The following ADCK2 variants were observed in gnomAD, a reference collection of about 807,000 sequenced individuals.
ADCK2 encodes aarF domain containing kinase 2.
Under a neutral mutation model 52.3 loss-of-function variants are expected in ADCK2, and 37 were observed. The ratio of observed to expected loss-of-function variants is 0.71; its 90% CI spans 0.54 to 0.93. The LOEUF (loss-of-function observed/expected upper bound fraction) is 0.93. Among genes scored for constraint, ADCK2 ranks in the 40% least tolerant of loss-of-function variants. The pLI, the probability that ADCK2 is intolerant of heterozygous loss-of-function variation, is 0.00. For missense variants in ADCK2, 695 were observed against 798.7 expected (o/e 0.87, Z 1.56); for synonymous variants, 321 against 349.2 (o/e 0.92, Z 0.90).
rs1585840341 is a variant in ADCK2 at position 140,673,985 on chromosome 7, G to A, written c.655G>A (p.Ala219Thr). The change falls in exon 1 of 8, where the codon GCC becomes ACC. Residue 219 changes from alanine to threonine, a missense_variant. Transcript: ENST00000072869. This position sits in a 1 kb window ranked among gnomAD's most constrained non-coding sequence, Gnocchi z 6.4. ...GCVAQVYKAY[A>T]NTAFLETDSV... is the part of the protein sequence containing the mutation. ...CGTGGCCCAGGTGTACAAAGCATAC[G>A]CCAACACTGCCTTCCTGGAGACTGA... The A allele has an allele frequency of 6.2e-7, 1 of 1,614,046 alleles. No individual in the cohort carries two copies. Among genetic ancestry groups the A allele is most frequent in the South Asian group, 1.1e-5 (1 of 91,074 alleles).
intron 4 of ADCK2, among the ~76,000 whole-genome samples, chr7:140,683,064 A>T (rs1794544623): frequency 6.7e-6 from 1 of 149,552 alleles, no homozygotes; most frequent in African/African-American, 2.5e-5. Context: ...GCACTTTGGG[A>T]GGCCGAGGCA....
At chr7:140,691,547 C>T (rs1211570646) in intron 7 of ADCK2, among the ~76,000 whole-genome samples, 1 of 152,098 alleles carries the variant, frequency 6.6e-6, no homozygotes, top group East Asian at 1.9e-4. Context: ...TGCTGTGGCC[C>T]CTGCCTGGCT....
In ADCK2 at chr7:140,673,248, G is replaced by C. The variant is rs2130776026; in HGVS notation, c.-83G>C. ...CAGCTCCGTCCGCGGGGTCAGGGCC[G>C]GGCTTCGGCTTCACCGCAGCCTCGC... is the stretch of plus-strand genomic sequence containing the variant. On this transcript the variant is annotated 5_prime_UTR_variant, in exon 1 of 8. Transcript: ENST00000072869. The surrounding 1 kb of genome is among the most constrained non-coding windows in gnomAD (Gnocchi z 6.4). The C allele has an allele frequency of 8.1e-7, 1 of 1,232,340 alleles. No homozygotes were observed. Among genetic ancestry groups the C allele is most frequent in the East Asian group, 3.0e-5 (1 of 33,270 alleles). The allele number at this position is 1,232,340 out of a possible 1,614,324, so 76.3% of individuals were successfully genotyped here. A position where few individuals can be genotyped will look rare whatever the true frequency, so the allele number is the denominator to read the frequency against.
chr7:140,686,867 A>G, intron 4 of ADCK2, 123 bp from the exon 5 acceptor site: 1 of 1,305,072 alleles, frequency 7.7e-7, no homozygotes, highest in Non-Finnish European at 1.1e-6. Context: ...TCTATAGGAC[A>G]TGCACCTCTT....
At chr7:140,689,788 TC>T in intron 6 of ADCK2, 63 bp downstream of exon 6, 1 of 1,517,274 alleles carries the variant, frequency 6.6e-7, no homozygotes, top group African/African-American at 1.4e-5. Context: ...GCAGAGCAGA[TC>T]CTGGGTCTAA....
At position 140,673,273 on chromosome 7, in the gene ADCK2, C is replaced by T; in HGVS notation, c.-58C>T. Reference sequence around the variant, plus strand: ...GGGCTTCGGCTTCACCGCAGCCTCGCCTGAGCGGGCGCCTCTGAAGTGGAG... The same window carrying T: ...GGGCTTCGGCTTCACCGCAGCCTCGTCTGAGCGGGCGCCTCTGAAGTGGAG... On this transcript the variant is annotated 5_prime_UTR_variant, in exon 1 of 8. Coordinates refer to ENST00000072869, the MANE Select transcript of ADCK2 (RefSeq NM_052853.4). This position sits in a 1 kb window ranked among gnomAD's most constrained non-coding sequence, Gnocchi z 6.4. 2.9e-6 allele frequency: 4 copies of T among 1,377,674 alleles called. No homozygotes were observed. Among genetic ancestry groups the T allele is most frequent in the Non-Finnish European group, 3.8e-6 (4 of 1,060,274 alleles). The allele number at this position is 1,377,674 out of a possible 1,614,324, so 85.3% of individuals were successfully genotyped here.
intron 5 of ADCK2, among the ~76,000 whole-genome samples, chr7:140,687,549 T>C (rs1794626277): frequency 6.6e-6 from 1 of 152,100 alleles, no homozygotes; most frequent in Non-Finnish European, 1.5e-5. Flanking sequence ...ATCCTGTCTC[T>C]ACTAAAAATA....
chr7:140,690,663 G>A (rs1316703093), intron 6 of ADCK2, 97 bp from the exon 7 acceptor site: 2 of 1,101,082 alleles, frequency 1.8e-6, no homozygotes, highest in Non-Finnish European at 2.7e-6. Context: ...GCGGGGGAGT[G>A]GGGTGGGATG....
At chr7:140,677,000 G>T (rs534325252) in intron 2 of ADCK2, among the ~76,000 whole-genome samples, 1 of 151,566 alleles carries the variant, frequency 6.6e-6, no homozygotes, top group Non-Finnish European at 1.5e-5. Flanking sequence ...TCCAGCCTGG[G>T]TGACAGAGTG....
chr7:140,682,420 T>C (rs1794532368), intron 4 of ADCK2, among the ~76,000 whole-genome samples: 1 of 151,948 alleles, frequency 6.6e-6, no homozygotes, highest in South Asian at 2.1e-4. Context: ...AAGCACTTAG[T>C]ATGGCTTGGA....
In ADCK2 at chr7:140,674,770, C is replaced by T. The variant is rs555433395; in HGVS notation, c.1080+13C>T. On this transcript the variant is annotated intron_variant, in intron 2 of 7. Coordinates refer to ENST00000072869, the MANE Select transcript of ADCK2 (RefSeq NM_052853.4). The surrounding 1 kb of genome is among the most constrained non-coding windows in gnomAD (Gnocchi z 4.6). Reference sequence around the variant, plus strand: ...GATGGTCCAACAGGTGAGTTCTCCTCCCCTCAGCTGTAAATAGCACCTAAC... The same window carrying T: ...GATGGTCCAACAGGTGAGTTCTCCTTCCCTCAGCTGTAAATAGCACCTAAC... 6.2e-7 allele frequency: 1 copy of T among 1,612,508 alleles called. No individual in the cohort carries two copies. Among genetic ancestry groups the T allele is most frequent in the South Asian group, 1.1e-5 (1 of 90,860 alleles).
In ADCK2 at chr7:140,689,724, A is replaced by T. The variant is rs1416447074; in HGVS notation, c.1685A>T (p.Lys562Met). 6.2e-7 allele frequency: 1 copy of T among 1,610,060 alleles called. No individual in the cohort carries two copies. The highest frequency in any genetic ancestry group is 1.1e-5 in the South Asian group (1 of 90,522). ...AGGAAGAACACCATCACCCTGGAGA[A>T]GGTGGGCAGGTCACTTGCGGAACAG... ...QARKNTITLEKLHVSSLLSSV... is the reference protein window; with the variant it reads ...QARKNTITLEMLHVSSLLSSV... The change falls in exon 6 of 8, where the codon AAG becomes ATG. Residue 562 changes from lysine (K) to methionine (M), a missense_variant and splice_region_variant. Lys to Met is a moderately conservative substitution (Grantham distance 95). Coordinates refer to ENST00000072869, the MANE Select transcript of ADCK2 (RefSeq NM_052853.4).
chr7:140,674,862 C>T lies in ADCK2; in HGVS notation c.1080+105C>T, dbSNP rs1794370301. ...AATAATTTTCTGGTATGTCATAACTCATGTGATGTGTTAGAGCTGGTAACA... is the reference window on the plus strand; with the variant it reads ...AATAATTTTCTGGTATGTCATAACTTATGTGATGTGTTAGAGCTGGTAACA... On this transcript the variant is annotated intron_variant, in intron 2 of 7. Coordinates refer to ENST00000072869, the MANE Select transcript of ADCK2 (RefSeq NM_052853.4). The surrounding 1 kb of genome is among the most constrained non-coding windows in gnomAD (Gnocchi z 4.6). The T allele has an allele frequency of 7.4e-7, 1 of 1,355,860 alleles. No homozygotes were observed. The highest frequency in any genetic ancestry group is 1.0e-6 in the Non-Finnish European group (1 of 999,420). The allele number at this position is 1,355,860 out of a possible 1,614,324, so 84.0% of individuals were successfully genotyped here.
chr7:140,686,773 T>C (rs1794611056), intron 4 of ADCK2, among the ~76,000 whole-genome samples: 1 of 152,210 alleles, frequency 6.6e-6, no homozygotes, highest in South Asian at 2.1e-4. Context: ...AAATGCTTTT[T>C]ACTTTGAAAA....
At chr7:140,682,970 C>A (rs1794541238) in intron 4 of ADCK2, among the ~76,000 whole-genome samples, 1 of 133,298 alleles carries the variant, frequency 7.5e-6, no homozygotes. Flanking sequence ...CACTGCACTC[C>A]AACCTCAGAT....
chr7:140,694,276 CCTGTCT>C (rs1256092069), intron 7 of ADCK2, among the ~76,000 whole-genome samples: 9 of 151,954 alleles, frequency 5.9e-5, no homozygotes, highest in Admixed American at 3.3e-4. Flanking sequence ...AGAGTGAGAC[CCTGTCT>C]CTAAAATAAA....
chr7:140,674,575 A>G lies in ADCK2; in HGVS notation c.934-36A>G, dbSNP rs200001241. 2.5e-4 allele frequency: 405 copies of G among 1,592,770 alleles called. 2 individuals carry two copies. In the African/African-American group the frequency reaches 4.6e-3, roughly 18 times the overall value. On this transcript the variant is annotated intron_variant, in intron 1 of 7. Transcript: ENST00000072869. The surrounding 1 kb of genome is among the most constrained non-coding windows in gnomAD (Gnocchi z 4.6). ...CCTGGCTGGGTAAAATGTGTCCAGC[A>G]GGTTTCTCCTGTCTCACGGTTCCTC...
intron 6 of ADCK2, among the ~76,000 whole-genome samples, chr7:140,690,363 C>G (rs1040908120): frequency 6.6e-6 from 1 of 152,036 alleles, no homozygotes; most frequent in Non-Finnish European, 1.5e-5. Flanking sequence ...CCACCACACC[C>G]GGCTAATTTT....
In ADCK2 at chr7:140,673,212, G is replaced by A. The variant is rs1801660343; in HGVS notation, c.-119G>A. 10 of 853,482 alleles carry A rather than the reference G, an allele frequency of 1.2e-5. No homozygotes were observed. The highest frequency in any genetic ancestry group is 3.8e-4 in the Middle Eastern group (1 of 2,648). The allele number at this position is 853,482 out of a possible 1,614,324, so 52.9% of individuals were successfully genotyped here. On this transcript the variant is annotated 5_prime_UTR_variant, in exon 1 of 8. Transcript: ENST00000072869. The surrounding 1 kb of genome is among the most constrained non-coding windows in gnomAD (Gnocchi z 6.4). The stretch of plus-strand genomic sequence containing the variant: ...CTGGAGGGAGCGGGGCGCGGATCCG[G>A]CCCAGATGGGCAGCTCCGTCCGCGG...
Sources: allele counts gnomAD v4.1 joint callset (sites outside exome capture counted in the v4.1 genomes callset), GRCh38; gene constraint gnomAD v4.1.1; non-coding constraint Gnocchi (gnomAD v3.1); transcripts MANE v1.5; gene names NCBI Gene and HGNC (gene_info 2026-07-23, HGNC 2026-07-21).